EFCAB11: variants seen among roughly 807,000 people sequenced by gnomAD.
EFCAB11 encodes the protein EF-hand calcium-binding domain-containing protein 11.
In EFCAB11, 14 loss-of-function variants were observed where a neutral mutation model predicts 23.0. The ratio of observed to expected loss-of-function variants is 0.61; its 90% CI spans 0.40 to 0.95. EFCAB11 has a LOEUF of 0.95. EFCAB11 is among the 40% of genes least tolerant of loss of function. The probability of loss-of-function intolerance (pLI) is 0.00; values close to 1 mark genes in which losing one functional copy is unlikely to be tolerated. For synonymous variants in EFCAB11, 65 were observed against 66.6 expected (o/e 0.98, Z 0.11); for missense variants, 198 against 195.8 (o/e 1.01, Z -0.07).
intron 5 of EFCAB11, among the ~76,000 whole-genome samples, chr14:89,893,777 C>CAA (rs542091673): frequency 3.2e-4 from 33 of 102,138 alleles, no homozygotes; most frequent in African/African-American, 1.2e-3. Context: ...CACTCGTCTC[C>CAA]AAAAAAAAAA....
intron 5 of EFCAB11, among the ~76,000 whole-genome samples, chr14:89,917,103 T>C (rs957369732): frequency 2.8e-5 from 4 of 144,534 alleles, no homozygotes; most frequent in Non-Finnish European, 5.9e-5. Context: ...TGTGTATGTG[T>C]GTGTTGAAAA....
At chr14:89,855,896 A>T (rs889994436) in intron 5 of EFCAB11, among the ~76,000 whole-genome samples, 4 of 152,098 alleles carry the variant, frequency 2.6e-5, no homozygotes, top group African/African-American at 9.7e-5. Flanking sequence ...GGCTTTCTGT[A>T]TGTGGTTTAT....
chr14:89,838,534 C>G (rs1271523262), intron 5 of EFCAB11, among the ~76,000 whole-genome samples: 1 of 151,096 alleles, frequency 6.6e-6, no homozygotes, highest in Non-Finnish European at 1.5e-5. Flanking sequence ...AAAGAAATTT[C>G]AGAAGGAGAG....
intron 5 of EFCAB11, among the ~76,000 whole-genome samples, chr14:89,903,334 T>C (rs1889396420): frequency 6.6e-6 from 1 of 152,194 alleles, no homozygotes; most frequent in Admixed American, 6.5e-5. Context: ...ACCACAGAAC[T>C]ATAAAAAATA....
intron 5 of EFCAB11, among the ~76,000 whole-genome samples, chr14:89,812,334 G>A (rs774693420): frequency 3.3e-5 from 5 of 152,234 alleles, no homozygotes; most frequent in African/African-American, 7.2e-5. Flanking sequence ...GACAAGCCAC[G>A]TGTGTATTCC....
intron 5 of EFCAB11, among the ~76,000 whole-genome samples, chr14:89,896,687 G>A (rs1889175317): frequency 6.6e-6 from 1 of 152,108 alleles, no homozygotes; most frequent in Non-Finnish European, 1.5e-5. Flanking sequence ...ACAATGGAAT[G>A]CTATACTATT....
chr14:89,926,697 CAAAGAA>C (rs1446677484), intron 5 of EFCAB11, among the ~76,000 whole-genome samples: 3 of 152,068 alleles, frequency 2.0e-5, no homozygotes, highest in Non-Finnish European at 4.4e-5. Flanking sequence ...CCAATGTTCT[CAAAGAA>C]AAAGAATGTG....
chr14:89,878,541 AT>A (rs1284602692), intron 5 of EFCAB11, among the ~76,000 whole-genome samples: 1 of 152,130 alleles, frequency 6.6e-6, no homozygotes, highest in Non-Finnish European at 1.5e-5. Flanking sequence ...CATTTAAATC[AT>A]TTTTATAGAT....
At chr14:89,906,220 T>TAAA (rs2140209322) in intron 5 of EFCAB11, among the ~76,000 whole-genome samples, 2 of 149,836 alleles carry the variant, frequency 1.3e-5, no homozygotes, top group East Asian at 3.9e-4. Context: ...AATAAATAAA[T>TAAA]TAAAGGTAAC....
At chr14:89,919,609 G>T (rs1481096785) in intron 5 of EFCAB11, among the ~76,000 whole-genome samples, 1 of 152,158 alleles carries the variant, frequency 6.6e-6, no homozygotes, top group Non-Finnish European at 1.5e-5. Flanking sequence ...AACTCCATGA[G>T]TGGGAGGCAG....
chr14:89,938,414 G>A (rs1298497753), intron 3 of EFCAB11, among the ~76,000 whole-genome samples: 2 of 152,180 alleles, frequency 1.3e-5, no homozygotes, highest in Admixed American at 1.3e-4. Flanking sequence ...CAGTGAAGGG[G>A]TGGGAGAAGG....
At chr14:89,859,141 A>G (rs538769886) in intron 5 of EFCAB11, among the ~76,000 whole-genome samples, 47 of 152,334 alleles carry the variant, frequency 3.1e-4, no homozygotes, top group African/African-American at 9.6e-4. Flanking sequence ...TTATTAGATA[A>G]CAATGAGCTC....
intron 3 of EFCAB11, among the ~76,000 whole-genome samples, chr14:89,943,618 C>T (rs1890868509): frequency 6.6e-6 from 1 of 152,116 alleles, no homozygotes. Context: ...TGCACATGTG[C>T]TCTCTTCCTT....
intron 5 of EFCAB11, among the ~76,000 whole-genome samples, chr14:89,907,108 C>T (rs1479830119): frequency 2.0e-5 from 3 of 152,176 alleles, no homozygotes; most frequent in African/African-American, 7.2e-5. Context: ...CAGATGCCTA[C>T]ATCAGTTTCC....
chr14:89,932,586 TC>T lies in EFCAB11; in HGVS notation c.258del (p.Lys87ArgfsTer10). ...TCGTTCCGATATCGTTGAGCTTCCT[TC>T]TTTTTCCTGACAATATTTAAAAACC... ...LEGFLNIVRK[K>X]KEAQRYRNEV... On this transcript the variant is annotated frameshift_variant, in exon 4 of 6. Transcript: ENST00000316738. LOFTEE classifies it high-confidence loss of function. 6.2e-7 allele frequency: 1 copy of T among 1,613,904 alleles called. No homozygotes were observed. Among genetic ancestry groups the T allele is most frequent in the Middle Eastern group, 1.7e-4 (1 of 6,052 alleles).
At chr14:89,934,453 G>A (rs1399841549) in intron 3 of EFCAB11, among the ~76,000 whole-genome samples, 3 of 152,042 alleles carry the variant, frequency 2.0e-5, no homozygotes, top group Non-Finnish European at 2.9e-5. Flanking sequence ...AAAGTCTGGG[G>A]GAAGAGCAAA....
chr14:89,836,308 A>T (rs1887076409), intron 5 of EFCAB11: 1 of 280,978 alleles, frequency 3.6e-6, no homozygotes, highest in African/African-American at 2.2e-5. Flanking sequence ...CAAGGACTCT[A>T]TTGGACCAGG....
intron 5 of EFCAB11, among the ~76,000 whole-genome samples, chr14:89,875,578 G>A (rs1888413033): frequency 6.6e-6 from 1 of 152,202 alleles, no homozygotes; most frequent in East Asian, 1.9e-4. Context: ...AGAGGTTCCA[G>A]TTATGGGTAA....
chr14:89,808,342 C>T (rs1886040658), intron 5 of EFCAB11, among the ~76,000 whole-genome samples: 1 of 152,164 alleles, frequency 6.6e-6, no homozygotes, highest in Admixed American at 6.5e-5. Context: ...AGCAAATACT[C>T]ACCAGTAAGT....
Sources: allele counts gnomAD v4.1 joint callset (sites outside exome capture counted in the v4.1 genomes callset), GRCh38; gene constraint gnomAD v4.1.1; transcripts MANE v1.5; gene names NCBI Gene and HGNC (gene_info 2026-07-23, HGNC 2026-07-21).